Variants in SHANK2 observed in about 807,000 individuals in gnomAD.
SHANK2 encodes the protein SH3 and multiple ankyrin repeat domains 2, also known as SH3 and multiple ankyrin repeat domains protein 2.
Under a neutral mutation model 133.7 loss-of-function variants are expected in SHANK2, and 43 were observed. The observed-to-expected ratio is 0.32, with a 90% confidence interval of 0.25 to 0.41. The LOEUF is 0.41. SHANK2 is among the 10% of genes least tolerant of loss of function. The probability of loss-of-function intolerance (pLI) is 1.00; values close to 1 mark genes in which losing one functional copy is unlikely to be tolerated. For missense variants in SHANK2, 1,994 were observed against 2,235.8 expected, an observed-to-expected ratio of 0.89 and a Z score of 2.18; for synonymous variants, 1,017 against 952.8, an observed-to-expected ratio of 1.07 and a Z score of -1.24.
intron 25 of SHANK2, among the ~76,000 whole-genome samples, chr11:70,484,333 A>G (rs2058773236): frequency 6.6e-6 from 1 of 152,156 alleles, no homozygotes; most frequent in African/African-American, 2.4e-5. Context: ...GTTTAGCACC[A>G]TCTTCCCTGG....
rs925367910 is a variant in SHANK2, at chr11:71,073,908, C to T, written c.1029+1251G>A. Among the ~76,000 whole-genome samples, 820 of 152,238 alleles carry T rather than the reference C, an allele frequency of 5.4e-3. 5 individuals carry two copies. Among genetic ancestry groups the T allele is most frequent in the Non-Finnish European group, 7.7e-3 (526 of 68,010 alleles). The stretch of plus-strand genomic sequence containing the variant: ...CATGTTCCATATAGAGACCTGCTGA[C>T]GGGGTAGATGGCTGACTCCAGAACT... On this transcript the variant is annotated intron_variant, in intron 9 of 25. Coordinates refer to ENST00000601538, the MANE Select transcript of SHANK2 (RefSeq NM_012309.5).
intron 15 of SHANK2, among the ~76,000 whole-genome samples, chr11:70,681,457 G>A (rs990395506): frequency 6.6e-6 from 1 of 152,076 alleles, no homozygotes; most frequent in Non-Finnish European, 1.5e-5. Flanking sequence ...GGAAACCTGG[G>A]CCCCCTGGGG....
At chr11:71,137,377 G>A (rs1289019087) in intron 3 of SHANK2, among the ~76,000 whole-genome samples, 2 of 150,328 alleles carry the variant, frequency 1.3e-5, no homozygotes, top group East Asian at 2.0e-4. Context: ...GGTTCCTAGA[G>A]AAAGTTACGG....
intron 10 of SHANK2, among the ~76,000 whole-genome samples, chr11:70,927,907 T>C (rs1262080604): frequency 6.6e-6 from 1 of 152,204 alleles, no homozygotes; most frequent in Admixed American, 6.5e-5. Context: ...CTGCTGGAGC[T>C]GAACACAAAT....
At chr11:71,116,706 C>T (rs1027797566) in intron 4 of SHANK2, among the ~76,000 whole-genome samples, 3 of 152,306 alleles carry the variant, frequency 2.0e-5, no homozygotes, top group South Asian at 2.1e-4. Flanking sequence ...ATGTGATCAC[C>T]GGTGTTGGAG....
intron 14 of SHANK2, among the ~76,000 whole-genome samples, chr11:70,780,284 G>C (rs1188753441): frequency 2.0e-5 from 3 of 152,130 alleles, no homozygotes; most frequent in Non-Finnish European, 4.4e-5. Context: ...AGAAGCCCTT[G>C]AGTTGGTACA....
chr11:70,881,976 T>G (rs1329690511), intron 11 of SHANK2, among the ~76,000 whole-genome samples: 1 of 151,954 alleles, frequency 6.6e-6, no homozygotes, highest in Non-Finnish European at 1.5e-5. Context: ...CCTCCCAAAG[T>G]CTTGGGATTA....
chr11:70,632,599 A>G (rs2061009384), intron 17 of SHANK2, among the ~76,000 whole-genome samples: 1 of 151,668 alleles, frequency 6.6e-6, no homozygotes, highest in South Asian at 2.2e-4. Flanking sequence ...ATCTCCCCAC[A>G]TACCATTTTC....
intron 11 of SHANK2, among the ~76,000 whole-genome samples, chr11:70,884,934 T>C (rs1949714733): frequency 6.6e-6 from 1 of 152,172 alleles, no homozygotes; most frequent in Admixed American, 6.5e-5. Context: ...TTGGCCAGGC[T>C]GGTCTTGAAC....
intron 11 of SHANK2, among the ~76,000 whole-genome samples, chr11:70,840,723 T>G (rs1555061448): frequency 6.6e-6 from 1 of 152,052 alleles, no homozygotes; most frequent in Non-Finnish European, 1.5e-5. Context: ...TGGGGAGGGC[T>G]GGGGGGCCAT....
chr11:70,751,852 T>TA lies in SHANK2; in HGVS notation c.1777+46590dup, dbSNP rs148351759. ...TGAAATCACAGACTAATTGCTTTAA[T>TA]AAAAAAAAAAGCTATATAATTGTTT... On this transcript the variant is annotated intron_variant, in intron 14 of 25. Coordinates refer to ENST00000601538, the MANE Select transcript of SHANK2 (RefSeq NM_012309.5). Among the ~76,000 whole-genome samples, 467 of 144,416 alleles carry TA rather than the reference T, an allele frequency of 3.2e-3. 1 individual carries two copies. Among genetic ancestry groups the TA allele is most frequent in the African/African-American group, 0.011 (416 of 38,978 alleles). 94.7% of individuals were successfully genotyped at this position (144,416 alleles called of 152,430 possible).
At chr11:71,205,459 T>C (rs1240814825) in intron 2 of SHANK2, among the ~76,000 whole-genome samples, 2 of 152,176 alleles carry the variant, frequency 1.3e-5, no homozygotes, top group Non-Finnish European at 2.9e-5. Context: ...CCTGTGCCCC[T>C]CTTGCTGGGC....
intron 14 of SHANK2, among the ~76,000 whole-genome samples, chr11:70,781,579 T>TATATATATATATATATATATATAG (rs1947496240): frequency 7.9e-6 from 1 of 125,798 alleles, no homozygotes; most frequent in African/African-American, 3.0e-5. Context: ...TATATATATA[T>TATATATATATATATATATATATAG]ATATTTACTT....
intron 3 of SHANK2, among the ~76,000 whole-genome samples, chr11:71,135,112 G>T (rs1319614066): frequency 1.3e-5 from 2 of 152,040 alleles, no homozygotes; most frequent in Non-Finnish European, 2.9e-5. Context: ...CCTCAGGCTG[G>T]CTGTCCCTGA....
In SHANK2 at chr11:70,624,961, C is replaced by T. The variant is rs77156149; in HGVS notation, c.2061+34867G>A. ...GCCAATGTACAGTTTGAGAGAACAGCCCCCACAAGACCACCCTTCCTCAAT... is the reference window on the plus strand; with the variant it reads ...GCCAATGTACAGTTTGAGAGAACAGTCCCCACAAGACCACCCTTCCTCAAT... On this transcript the variant is annotated intron_variant, in intron 17 of 25. Coordinates refer to ENST00000601538, the MANE Select transcript of SHANK2 (RefSeq NM_012309.5). 5.2e-3 allele frequency among the ~76,000 whole-genome samples: 789 copies of T among 152,310 alleles called. 4 individuals are homozygous for T. The highest frequency in any genetic ancestry group is 0.018 in the African/African-American group (753 of 41,576).
chr11:71,057,723 T>C lies in SHANK2; in HGVS notation c.1030-1165A>G, dbSNP rs1262782770. Among the ~76,000 whole-genome samples, 19 of 146,014 alleles carry C rather than the reference T, an allele frequency of 1.3e-4. No homozygotes were observed. In the East Asian group the frequency reaches 3.6e-3, roughly 27 times the overall value. On this transcript the variant is annotated intron_variant, in intron 9 of 25. Coordinates refer to ENST00000601538, the MANE Select transcript of SHANK2 (RefSeq NM_012309.5). ...GTGCCACCATGCCCAGCTAATTTTT[T>C]TTTTTTGGAGAGCCAGGGTCTCAAT...
chr11:70,933,273 T>C (rs1950526408), intron 10 of SHANK2: 1 of 455,250 alleles, frequency 2.2e-6, no homozygotes, highest in African/African-American at 2.0e-5. Context: ...CACAAAAAGA[T>C]GAATACTGTA....
chr11:70,541,833 C>T (rs1372630434), intron 17 of SHANK2, among the ~76,000 whole-genome samples: 1 of 152,254 alleles, frequency 6.6e-6, no homozygotes, highest in Non-Finnish European at 1.5e-5. Context: ...TCCCAGGTGC[C>T]ACCAATGCCG....
intron 14 of SHANK2, among the ~76,000 whole-genome samples, chr11:70,741,473 AG>A (rs1442166242): frequency 6.6e-6 from 1 of 152,150 alleles, no homozygotes; most frequent in Non-Finnish European, 1.5e-5. Flanking sequence ...GGCATTGCAT[AG>A]TCACTCATCC....
Sources: allele counts gnomAD v4.1 joint callset (sites outside exome capture counted in the v4.1 genomes callset), GRCh38; gene constraint gnomAD v4.1.1; transcripts MANE v1.5; gene names NCBI Gene and HGNC (gene_info 2026-07-23, HGNC 2026-07-21).